ZNF506: variants seen among roughly 807,000 people sequenced by gnomAD.
ZNF506 encodes the protein zinc finger protein 506.
In ZNF506, 10 loss-of-function variants were observed where a neutral mutation model predicts 11.6. The ratio of observed to expected loss-of-function variants is 0.86; its 90% CI spans 0.53 to 1.46. The LOEUF (loss-of-function observed/expected upper bound fraction) is 1.46, where lower values mean the gene tolerates loss of function less well. ZNF506 is among the 40% of genes most tolerant of loss of function. The pLI is 0.00. For missense variants in ZNF506, 425 were observed against 521.2 expected (o/e 0.82, Z 1.80); for synonymous variants, 156 against 173.3 (o/e 0.90, Z 0.78).
rs144287726 is a variant in ZNF506, at chr19:19,807,281, TATG to T, written c.4-216_4-214del. On this transcript the variant is annotated intron_variant, in intron 1 of 3. Transcript: ENST00000540806. ...ACAAGATCCACAACATCAGTTCACA[TATG>T]ATATTTTTCTAGATAATAAAGTATA... Among the ~76,000 whole-genome samples the T allele has an allele frequency of 9.1e-3, 1,390 of 152,332 alleles. 11 individuals are homozygous for T. The highest frequency in any genetic ancestry group is 0.03 in the South Asian group (144 of 4,830).
intron 1 of ZNF506, among the ~76,000 whole-genome samples, chr19:19,816,396 T>A (rs901503672): frequency 1.3e-5 from 2 of 152,088 alleles, no homozygotes; most frequent in Non-Finnish European, 2.9e-5. Flanking sequence ...CTTGCTCTGC[T>A]GCCCAGGCTG....
chr19:19,815,265 C>G (rs1475154836), intron 1 of ZNF506, among the ~76,000 whole-genome samples: 1 of 152,022 alleles, frequency 6.6e-6, no homozygotes, highest in Non-Finnish European at 1.5e-5. Flanking sequence ...ATCTCAAAAA[C>G]AAAACAAAAC....
chr19:19,793,264 T>C lies in ZNF506; in HGVS notation c.*1288A>G, dbSNP rs2062708883. ...CTGATTTAGTGTAATGTCTGAAGTGTCAGTGCCTTATTCTAGTGTAAATTC... is the reference window on the plus strand; with the variant it reads ...CTGATTTAGTGTAATGTCTGAAGTGCCAGTGCCTTATTCTAGTGTAAATTC... On this transcript the variant is annotated 3_prime_UTR_variant, in exon 4 of 4. Coordinates refer to ENST00000540806, the MANE Select transcript of ZNF506 (RefSeq NM_001099269.3). Among the ~76,000 whole-genome samples, 1 of 152,194 alleles carries C rather than the reference T, an allele frequency of 6.6e-6. No homozygotes were observed. Among genetic ancestry groups the C allele is most frequent in the African/African-American group, 2.4e-5 (1 of 41,460 alleles).
chr19:19,819,292 G>A (rs948997848), intron 1 of ZNF506, among the ~76,000 whole-genome samples: 21 of 151,662 alleles, frequency 1.4e-4, no homozygotes, highest in Admixed American at 3.9e-4. Context: ...ACCAGCATCT[G>A]ATTGTCTGAC....
intron 1 of ZNF506, among the ~76,000 whole-genome samples, chr19:19,812,409 G>A (rs1425471618): frequency 6.6e-6 from 1 of 152,240 alleles, no homozygotes; most frequent in Non-Finnish European, 1.5e-5. Context: ...TGATTTACTA[G>A]CTCTTGGGTA....
chr19:19,806,080 T>C lies in ZNF506; in HGVS notation c.177A>G (p.Gly59=), dbSNP rs777942794. 2 of 1,608,864 alleles carry C rather than the reference T, an allele frequency of 1.2e-6. No individual in the cohort carries two copies. Among genetic ancestry groups the C allele is most frequent in the Non-Finnish European group, 1.7e-6 (2 of 1,178,630 alleles). ...GCCTCTTCATAGTTAAAGGTTTTTT[T>C]CCTTGCTCCAGACAGGTGATCAGGT... The part of the protein sequence containing the change: ...KPNLITCLEQ[G]KKPLTMKRHE... Residue 59 remains glycine (G), a synonymous_variant, in exon 3 of 4, where the codon GGA becomes GGG. Transcript: ENST00000540806.
chr19:19,818,503 G>T lies in ZNF506; in HGVS notation c.3+3098C>A, dbSNP rs186171184. ...GGTAGCTAGCATTCTTAAAGCTAAGGCTTAGAATTCTGTTTGAAATCACTC... is the reference window on the plus strand; with the variant it reads ...GGTAGCTAGCATTCTTAAAGCTAAGTCTTAGAATTCTGTTTGAAATCACTC... On this transcript the variant is annotated intron_variant, in intron 1 of 3. Transcript: ENST00000540806. 9.9e-4 allele frequency among the ~76,000 whole-genome samples: 151 copies of T among 152,228 alleles called. 1 individual carries two copies. The highest frequency in any genetic ancestry group is 3.3e-3 in the African/African-American group (137 of 41,546).
chr19:19,803,394 C>A (rs749068803), intron 3 of ZNF506, among the ~76,000 whole-genome samples: 3 of 152,184 alleles, frequency 2.0e-5, no homozygotes, highest in Non-Finnish European at 4.4e-5. Context: ...TACATAGAAA[C>A]CCACCCAGTT....
intron 1 of ZNF506, among the ~76,000 whole-genome samples, chr19:19,807,285 A>G (rs1441788166): frequency 6.7e-6 from 1 of 149,480 alleles, no homozygotes; most frequent in African/African-American, 2.4e-5. Flanking sequence ...TTCACATATG[A>G]TATTTTTCTA....
rs200386564 is a variant in ZNF506 at position 19,806,082 on chromosome 19, C to T, written c.175G>A (p.Gly59Arg). The change falls in exon 3 of 4, where the codon GGA becomes AGA. Residue 59 changes from glycine (G) to arginine (R), a missense_variant. This residue lies in a region of ZNF506 where 226 missense variants were observed against 279.1 expected (regional missense o/e 0.81). Coordinates refer to ENST00000540806, the MANE Select transcript of ZNF506 (RefSeq NM_001099269.3). ...KPNLITCLEQ[G>R]KKPLTMKRHE... ...CTCTTCATAGTTAAAGGTTTTTTTCCTTGCTCCAGACAGGTGATCAGGTTT... is the reference window on the plus strand; with the variant it reads ...CTCTTCATAGTTAAAGGTTTTTTTCTTTGCTCCAGACAGGTGATCAGGTTT... 1.9e-6 allele frequency: 3 copies of T among 1,607,410 alleles called. No individual in the cohort carries two copies. The highest frequency in any genetic ancestry group is 2.7e-5 in the African/African-American group (2 of 74,542).
At chr19:19,801,338 T>TACA (rs2062790916) in intron 3 of ZNF506, among the ~76,000 whole-genome samples, 3 of 149,598 alleles carry the variant, frequency 2.0e-5, no homozygotes, top group African/African-American at 7.4e-5. Flanking sequence ...CTACTAAAAA[T>TACA]ACAAAAATTA....
At chr19:19,801,129 C>T (rs967454332) in intron 3 of ZNF506, among the ~76,000 whole-genome samples, 23 of 151,844 alleles carry the variant, frequency 1.5e-4, no homozygotes, top group African/African-American at 5.6e-4. Flanking sequence ...CATTGTACTC[C>T]AGCCTGGGCA....
At chr19:19,804,943 G>C (rs2062824308) in intron 3 of ZNF506, among the ~76,000 whole-genome samples, 1 of 151,992 alleles carries the variant, frequency 6.6e-6, no homozygotes, top group Non-Finnish European at 1.5e-5. Flanking sequence ...TGGGGTGGGG[G>C]GATGGGGGAG....
chr19:19,815,202 G>A (rs1449680301), intron 1 of ZNF506, among the ~76,000 whole-genome samples: 1 of 152,238 alleles, frequency 6.6e-6, no homozygotes, highest in Non-Finnish European at 1.5e-5. Context: ...GGAGCCTGCA[G>A]TGAGCCGAGA....
chr19:19,812,450 A>G (rs2062890442), intron 1 of ZNF506, among the ~76,000 whole-genome samples: 1 of 152,268 alleles, frequency 6.6e-6, no homozygotes, highest in Non-Finnish European at 1.5e-5. Flanking sequence ...CTACTCCAGT[A>G]TCACATTTTA....
At chr19:19,806,009 A>G (rs775385672) in intron 3 of ZNF506, 22 bp downstream of exon 3, 5 of 1,584,432 alleles carry the variant, frequency 3.2e-6, no homozygotes, top group African/African-American at 1.4e-5. Context: ...TGTCTGTCCT[A>G]TTCATTTTCA....
At chr19:19,808,352 T>C (rs983744203) in intron 1 of ZNF506, among the ~76,000 whole-genome samples, 5 of 148,822 alleles carry the variant, frequency 3.4e-5, no homozygotes, top group Non-Finnish European at 7.5e-5. Context: ...CTCGATTTCC[T>C]GACCTCGTGA....
chr19:19,821,681 G>A lies in ZNF506; in HGVS notation c.-78C>T, dbSNP rs139710008. The stretch of plus-strand genomic sequence containing the variant: ...GCAGGTCACAGGGCCACAGAGGCTG[G>A]GCCTCTAGGAGCTGACGGCACAGAG... On this transcript the variant is annotated 5_prime_UTR_variant, in exon 1 of 4. Transcript: ENST00000540806. 29 of 1,575,794 alleles carry A rather than the reference G, an allele frequency of 1.8e-5. No homozygotes were observed. Among genetic ancestry groups the A allele is most frequent in the Non-Finnish European group, 2.0e-5 (23 of 1,145,554 alleles).
Position 19,795,324 on chromosome 19 carries a change from C to G in ZNF506, c.563G>C (p.Arg188Pro). The G allele has an allele frequency of 6.2e-7, 1 of 1,613,652 alleles. No individual in the cohort carries two copies. The highest frequency in any genetic ancestry group is 1.1e-5 in the South Asian group (1 of 91,002). ...YGKTFNQSST[R>P]TTYKKIDAGE... ...AGCATCAATTTTCTTATATGTAGTA[C>G]GGGTTGAAGACTGGTTAAAAGTTTT... Residue 188 changes from arginine (R) to proline (P), a missense_variant, in exon 4 of 4, where the codon CGT becomes CCT. By Grantham distance (103) the Arg-to-Pro change is moderately radical. Around this residue, in one of 3 missense-constraint regions of ZNF506, gnomAD observed 226 missense variants for 279.1 expected, o/e 0.81. Transcript: ENST00000540806.
Sources: gnomAD v4.1 joint callset for allele counts (sites outside exome capture counted in the v4.1 genomes callset) on GRCh38, gnomAD v4.1.1 for gene constraint, gnomAD v4.1.1 regional missense constraint, MANE v1.5 for transcripts, NCBI Gene and HGNC (gene_info 2026-07-23, HGNC 2026-07-21) for gene names.